CRYBB2: variants seen among roughly 807,000 people sequenced by gnomAD.
The protein encoded by CRYBB2 is beta-crystallin B2.
CRYBB2 carries 12 observed loss-of-function variants against 24.3 expected under a neutral mutation model. That is an observed-to-expected ratio of 0.49 (90% CI 0.32 to 0.80). The LOEUF (loss-of-function observed/expected upper bound fraction) is 0.80. Ranked by LOEUF, CRYBB2 falls within the 30% of genes least tolerant of loss-of-function variation. CRYBB2 has a pLI of 0.04. For missense variants in CRYBB2, 198 were observed against 268.5 expected, an observed-to-expected ratio of 0.74 and a Z score of 1.83; for synonymous variants, 98 against 101.6, an observed-to-expected ratio of 0.96 and a Z score of 0.21.
intron 2 of CRYBB2, among the ~76,000 whole-genome samples, 182 bp from the exon 3 acceptor site, chr22:25,224,736 C>A (rs1413832835): frequency 3.9e-5 from 6 of 152,162 alleles, no homozygotes; most frequent in Non-Finnish European, 8.8e-5. Context: ...GAAATGCAGG[C>A]TCAAGGTCCC....
intron 2 of CRYBB2, among the ~76,000 whole-genome samples, chr22:25,222,413 A>C (rs1601418936): frequency 6.6e-6 from 1 of 152,240 alleles, no homozygotes; most frequent in East Asian, 1.9e-4. Context: ...CAGGTGGTCC[A>C]GGAGGGTCTC....
At position 25,231,745 on chromosome 22, in the gene CRYBB2, A is replaced by G. The variant is rs1206468302; in HGVS notation, c.591A>G (p.Gln197=). 3 of 1,614,058 alleles carry G rather than the reference A, an allele frequency of 1.9e-6. No homozygotes were observed. Among genetic ancestry groups the G allele is most frequent in the Non-Finnish European group, 2.5e-6 (3 of 1,179,972 alleles). The change falls in exon 6 of 6, where the codon CAA becomes CAG. Residue 197 remains glutamine (Q), a synonymous_variant. Transcript: ENST00000398215. The part of the protein sequence containing the change: ...VRRIRDMQWH[Q]RGAFHPSN ...GTATCCGCGACATGCAGTGGCACCAACGTGGTGCCTTCCACCCCTCCAACT... is the reference window on the plus strand; with the variant it reads ...GTATCCGCGACATGCAGTGGCACCAGCGTGGTGCCTTCCACCCCTCCAACT...
At chr22:25,224,086 T>C (rs1019031821) in intron 2 of CRYBB2, among the ~76,000 whole-genome samples, 2 of 146,698 alleles carry the variant, frequency 1.4e-5, no homozygotes, top group South Asian at 2.1e-4. Flanking sequence ...ATCGCGCCAC[T>C]GCACTCCAGC....
rs1935387678 is a variant in CRYBB2, at chr22:25,225,001, G to A, written c.138G>A (p.Val46=). 6.2e-7 allele frequency: 1 copy of A among 1,612,126 alleles called. No homozygotes were observed. The highest frequency in any genetic ancestry group is 8.5e-7 in the Non-Finnish European group (1 of 1,178,118). Reference sequence around the variant, plus strand: ...GCCCCAACCTGAAGGAAACTGGCGTGGAGAAGGCAGGTTCTGTCCTAGTGC... The same window carrying A: ...GCCCCAACCTGAAGGAAACTGGCGTAGAGAAGGCAGGTTCTGTCCTAGTGC... ...GPCPNLKETG[V]EKAGSVLVQA... The change falls in exon 3 of 6, where the codon GTG becomes GTA. Residue 46 remains valine (V), a synonymous_variant. Coordinates refer to ENST00000398215, the MANE Select transcript of CRYBB2 (RefSeq NM_000496.3).
intron 2 of CRYBB2, among the ~76,000 whole-genome samples, chr22:25,222,395 T>C (rs1294232184): frequency 1.3e-5 from 2 of 152,238 alleles, no homozygotes; most frequent in African/African-American, 2.4e-5. Flanking sequence ...ACAGTGGTTG[T>C]GTTAGCTCAG....
At chr22:25,218,842 A>G (rs867305768), upstream of CRYBB2, among the ~76,000 whole-genome samples, 27 of 118,886 alleles carry the variant, frequency 2.3e-4, 1 homozygote, top group East Asian at 4.9e-4. Context: ...AAGAAAGAGA[A>G]AGAAAGAAAG....
upstream of CRYBB2, among the ~76,000 whole-genome samples, chr22:25,218,736 G>GGAGA (rs71191034): frequency 5.1e-4 from 18 of 35,326 alleles, no homozygotes; most frequent in Non-Finnish European, 7.3e-4. Flanking sequence ...GAGAGAGAGG[G>GGAGA]GAGAGAGAGA....
chr22:25,221,212 C>G (rs570517999), intron 1 of CRYBB2, among the ~76,000 whole-genome samples, 192 bp from the exon 2 acceptor site: 1 of 152,218 alleles, frequency 6.6e-6, no homozygotes, highest in East Asian at 1.9e-4. Context: ...CTGCAGCTGG[C>G]CTGGATAGAA....
In CRYBB2 at chr22:25,223,930, C is replaced by A. The variant is rs62231429; in HGVS notation, c.55-988C>A. On this transcript the variant is annotated intron_variant, in intron 2 of 5. Coordinates refer to ENST00000398215, the MANE Select transcript of CRYBB2 (RefSeq NM_000496.3). ...GGTCAGGAGATCGAGACCATCCTGG[C>A]TAACTTGGTGAAACCCCATCTCTAC... 7.8e-3 allele frequency among the ~76,000 whole-genome samples: 1,194 copies of A among 152,162 alleles called. 8 individuals are homozygous for A. The highest frequency in any genetic ancestry group is 0.027 in the South Asian group (132 of 4,808).
chr22:25,228,991 G>C (rs953581731), intron 4 of CRYBB2, among the ~76,000 whole-genome samples: 1 of 149,128 alleles, frequency 6.7e-6, no homozygotes, highest in Admixed American at 6.6e-5. Context: ...CGCATGTGTG[G>C]GTGTGCGTGT....
intron 3 of CRYBB2, among the ~76,000 whole-genome samples, chr22:25,226,168 CTGTGTGTGTGTGTGTGTGTG>C (rs3064285): frequency 6.7e-5 from 10 of 149,044 alleles, no homozygotes; most frequent in African/African-American, 2.2e-4. Context: ...TTGGATTTCT[CTGTGTGTGTGTGTGTGTGTG>C]TGTGTGTGTG....
intron 1 of CRYBB2, chr22:25,213,202 G>A (rs1476121956): frequency 1.3e-5 from 2 of 152,214 alleles, no homozygotes; most frequent in Admixed American, 6.5e-5. Flanking sequence ...TAAGAAGGGA[G>A]TGTTGTTTCT....
upstream of CRYBB2, among the ~76,000 whole-genome samples, chr22:25,218,779 G>GAGAAGAAAGAAAGAAAGAAAGAAAGA (rs1935251085): frequency 2.9e-5 from 1 of 34,514 alleles, no homozygotes; most frequent in Non-Finnish European, 5.3e-5. Context: ...GAGAGAGAGA[G>GAGAAGAAAGAAAGAAAGAAAGAAAGA]AAGAAAGAAA....
At chr22:25,224,057 G>C (rs1935370035) in intron 2 of CRYBB2, among the ~76,000 whole-genome samples, 1 of 151,298 alleles carries the variant, frequency 6.6e-6, no homozygotes, top group Non-Finnish European at 1.5e-5. Flanking sequence ...CCAGGAGGCG[G>C]AGCTTGCAGT....
At position 25,229,508 on chromosome 22, in the gene CRYBB2, G is replaced by A; in HGVS notation, c.379G>A (p.Asp127Asn). ...CGGGAAGAAGATGGAAATCATAGAT[G>A]ACGATGTACCCAGCTTCCACGCCCA... ...FTGKKMEIIDDDVPSFHAHGY... is the reference protein window; with the variant it reads ...FTGKKMEIIDNDVPSFHAHGY... The change falls in exon 5 of 6, where the codon GAC becomes AAC. Residue 127 changes from aspartate (D) to asparagine (N), a missense_variant. By Grantham distance (23) the Asp-to-Asn change is conservative. Transcript: ENST00000398215. 1 of 1,614,176 alleles carries A rather than the reference G, an allele frequency of 6.2e-7. No homozygotes were observed. Among genetic ancestry groups the A allele is most frequent in the South Asian group, 1.1e-5 (1 of 91,068 alleles).
upstream of CRYBB2, among the ~76,000 whole-genome samples, chr22:25,218,760 AGAGAGAGAGAGAGAGAGAG>A: frequency 1.1e-4 from 5 of 44,564 alleles, no homozygotes; most frequent in Admixed American, 5.7e-4. Context: ...AGAGAGAGAG[AGAGAGAGAGAGAGAGAGAG>A]AAGAAAGAAA....
intron 5 of CRYBB2, among the ~76,000 whole-genome samples, chr22:25,230,435 C>CGTGA (rs755909588): frequency 5.3e-5 from 8 of 152,076 alleles, no homozygotes; most frequent in Non-Finnish European, 1.0e-4. Context: ...GGATTACAGG[C>CGTGA]GTGAGCCACT....
At chr22:25,225,968 C>T (rs1376576568) in intron 3 of CRYBB2, among the ~76,000 whole-genome samples, 1 of 152,166 alleles carries the variant, frequency 6.6e-6, no homozygotes, top group African/African-American at 2.4e-5. Context: ...CCTTTTCAAA[C>T]ATTTTGATGA....
At chr22:25,231,054 C>G (rs142192985) in intron 5 of CRYBB2, among the ~76,000 whole-genome samples, 19 of 152,242 alleles carry the variant, frequency 1.2e-4, no homozygotes, top group Admixed American at 3.3e-4. Context: ...CATAAGAATG[C>G]GAAGTAGAGC....
Sources: allele counts gnomAD v4.1 joint callset (sites outside exome capture counted in the v4.1 genomes callset), GRCh38; gene constraint gnomAD v4.1.1; transcripts MANE v1.5; gene names NCBI Gene and HGNC (gene_info 2026-07-23, HGNC 2026-07-21).